SEMA3F: variants seen among roughly 807,000 people sequenced by gnomAD.
SEMA3F encodes semaphorin-3F.
Under a neutral mutation model 98.5 loss-of-function variants are expected in SEMA3F, and 30 were observed. The observed-to-expected ratio is 0.30, with a 90% CI of 0.23 to 0.41. SEMA3F has a LOEUF of 0.41. Among genes scored for constraint, SEMA3F ranks in the 10% least tolerant of loss-of-function variants. The pLI, the probability that SEMA3F is intolerant of heterozygous loss-of-function variation, is 1.00. For missense variants in SEMA3F, 866 were observed against 1,119.3 expected, an observed-to-expected ratio of 0.77 and a Z score of 3.23; for synonymous variants, 380 against 444.8, an observed-to-expected ratio of 0.85 and a Z score of 1.83.
chr3:50,188,006 GGCGCCATGTGCCCC>G lies in SEMA3F; in HGVS notation c.2250_2263del (p.Trp750CysfsTer14). 6.2e-7 allele frequency: 1 copy of G among 1,603,402 alleles called. No individual in the cohort carries two copies. The highest frequency in any genetic ancestry group is 8.5e-7 in the Non-Finnish European group (1 of 1,176,010). On this transcript the variant is annotated frameshift_variant, in exon 19 of 19. Coordinates refer to ENST00000002829, the MANE Select transcript of SEMA3F (RefSeq NM_004186.5). LOFTEE classifies it high-confidence loss of function. The surrounding 1 kb of genome is among the most constrained non-coding windows in gnomAD (Gnocchi z 4.5). ...ATCCACCAGTACTGCCAGGGTTACT[GGCGCCATGTGCCCC>G]CCAGCCCCAGGGAGGCTCCAGGGGC... is the stretch of plus-strand genomic sequence containing the variant.
chr3:50,167,464 G>C lies in SEMA3F; in HGVS notation c.113-6329G>C, dbSNP rs1398401575. Among the ~76,000 whole-genome samples, 3 of 152,218 alleles carry C rather than the reference G, an allele frequency of 2.0e-5. No individual in the cohort carries two copies. In the East Asian group the frequency reaches 5.8e-4, roughly 29 times the overall value. On this transcript the variant is annotated intron_variant, in intron 2 of 18. Coordinates refer to ENST00000002829, the MANE Select transcript of SEMA3F (RefSeq NM_004186.5). ...TTTTCCTGGTTTGAGGCTGAGCTGTGCCCTCAGCCTATCCTGTCCTGGGCG... is the reference window on the plus strand; with the variant it reads ...TTTTCCTGGTTTGAGGCTGAGCTGTCCCCTCAGCCTATCCTGTCCTGGGCG...
At chr3:50,165,408 G>A (rs1158056517) in intron 2 of SEMA3F, among the ~76,000 whole-genome samples, 1 of 152,212 alleles carries the variant, frequency 6.6e-6, no homozygotes, top group Non-Finnish European at 1.5e-5. Context: ...CGGGAGTGAT[G>A]CCTTGGAAGT....
Position 50,185,869 on chromosome 3 carries a change from G to A in SEMA3F, c.1588-20G>A, listed in dbSNP as rs370853090. On this transcript the variant is annotated intron_variant, in intron 15 of 18. Coordinates refer to ENST00000002829, the MANE Select transcript of SEMA3F (RefSeq NM_004186.5). ...CTGGCTATGGGACAGGAACTGACAA[G>A]GCCCTACCCTTTGCCCCAGCAACAA... 666 of 1,608,098 alleles carry A rather than the reference G, an allele frequency of 4.1e-4. No individual in the cohort carries two copies. Among genetic ancestry groups the A allele is most frequent in the Non-Finnish European group, 4.7e-4 (551 of 1,175,572 alleles).
At position 50,174,225 on chromosome 3, in the gene SEMA3F, C is replaced by A. The variant is rs1698719300; in HGVS notation, c.337-6C>A. On this transcript the variant is annotated splice_region_variant and splice_polypyrimidine_tract_variant and intron_variant, in intron 4 of 18. Coordinates refer to ENST00000002829, the MANE Select transcript of SEMA3F (RefSeq NM_004186.5). Reference sequence around the variant, plus strand: ...GGCACCTATGCAGCCTTCCCTGTGGCCCCAGGGCGAGTGTGGGAACTTCGT... The same window carrying A: ...GGCACCTATGCAGCCTTCCCTGTGGACCCAGGGCGAGTGTGGGAACTTCGT... 2 of 1,613,692 alleles carry A rather than the reference C, an allele frequency of 1.2e-6. No homozygotes were observed. Among genetic ancestry groups the A allele is most frequent in the Non-Finnish European group, 1.7e-6 (2 of 1,179,892 alleles).
rs60253796 is a variant in SEMA3F at position 50,165,788 on chromosome 3, C to T, written c.112+6054C>T. Among the ~76,000 whole-genome samples the T allele has an allele frequency of 3.3e-3, 509 of 152,352 alleles. 1 individual carries two copies. Among genetic ancestry groups the T allele is most frequent in the African/African-American group, 0.012 (486 of 41,578 alleles). Reference sequence around the variant, plus strand: ...GCTTGGCAGGCCTACAGCCCCCCACCCAGCCTGCTGGGCAGCCCCAGGGAG... The same window carrying T: ...GCTTGGCAGGCCTACAGCCCCCCACTCAGCCTGCTGGGCAGCCCCAGGGAG... On this transcript the variant is annotated intron_variant, in intron 2 of 18. Transcript: ENST00000002829.
At position 50,174,310 on chromosome 3, in the gene SEMA3F, A is replaced by T. The variant is rs1698722691; in HGVS notation, c.416A>T (p.Asn139Ile). The T allele has an allele frequency of 6.2e-7, 1 of 1,612,958 alleles. No individual in the cohort carries two copies. The highest frequency in any genetic ancestry group is 1.3e-5 in the African/African-American group (1 of 74,884). Residue 139 changes from asparagine (N) to isoleucine (I), a missense_variant, in exon 5 of 19, where the codon AAC becomes ATC. Transcript: ENST00000002829. ...TATGTGTGCGGGACAGGTGCCTACA[A>T]CCCCATGTGCACCTATGTGAACCGC... ...HLYVCGTGAY[N>I]PMCTYVNRGR...
chr3:50,175,064 C>T, intron 5 of SEMA3F, 32 bp from the exon 6 acceptor site: 2 of 1,502,432 alleles, frequency 1.3e-6, no homozygotes, highest in South Asian at 2.3e-5. Flanking sequence ...CCTGCCACCC[C>T]CAGCTCTAAC....
At chr3:50,160,786 C>T (rs1316230514) in intron 2 of SEMA3F, among the ~76,000 whole-genome samples, 2 of 152,190 alleles carry the variant, frequency 1.3e-5, no homozygotes, top group East Asian at 3.9e-4. Context: ...CTCACCATGT[C>T]CCCCAGCAGG....
chr3:50,174,490 T>C (rs1698733265), intron 5 of SEMA3F, 140 bp downstream of exon 5: 2 of 1,029,876 alleles, frequency 1.9e-6, no homozygotes, highest in African/African-American at 1.6e-5. Context: ...TTCACCTCGC[T>C]GAGCCTCAGT....
At chr3:50,155,145 TG>T, upstream of SEMA3F, 3 of 377,936 alleles carry the variant, frequency 7.9e-6, no homozygotes, top group South Asian at 5.1e-5. This position sits in a 1 kb window ranked among gnomAD's most constrained non-coding sequence, Gnocchi z 4.9. Flanking sequence ...GCGCAGGACC[TG>T]GGTACGCCGC....
chr3:50,184,570 G>A, intron 12 of SEMA3F, 22 bp from the exon 13 acceptor site: 1 of 1,599,402 alleles, frequency 6.3e-7, no homozygotes, highest in Non-Finnish European at 8.5e-7. Context: ...GCCTGGGACT[G>A]ACACTCGCCA....
Position 50,173,846 on chromosome 3 carries a change from G to C in SEMA3F, c.166G>C (p.Asp56His), listed in dbSNP as rs770253654. 6.2e-7 allele frequency: 1 copy of C among 1,614,060 alleles called. No individual in the cohort carries two copies. The highest frequency in any genetic ancestry group is 8.5e-7 in the Non-Finnish European group (1 of 1,180,006). Residue 56 changes from aspartate to histidine, a missense_variant, in exon 3 of 19, where the codon GAC becomes CAC. Physicochemically the swap from Asp to His is moderately conservative, Grantham distance 81. This residue lies in a region of SEMA3F where 247 missense variants were observed against 276.0 expected (regional missense o/e 0.89). Transcript: ENST00000002829. Reference protein sequence around the residue: ...HFFNFLLNTTDYRILLKDEDH... With the variant: ...HFFNFLLNTTHYRILLKDEDH... ...CTTCAACTTCCTGCTCAACACAACC[G>C]ACTACCGAATCTTGCTCAAGGACGA...
Position 50,155,530 on chromosome 3 carries a change from C to T in SEMA3F, c.-83C>T, listed in dbSNP as rs542309586. The T allele has an allele frequency of 4.1e-3, 1,304 of 318,380 alleles. 5 individuals are homozygous for T. Among genetic ancestry groups the T allele is most frequent in the Non-Finnish European group, 5.7e-3 (991 of 174,590 alleles). 19.7% of individuals were successfully genotyped at this position (318,380 alleles called of 1,614,324 possible). A position where few individuals can be genotyped will look rare whatever the true frequency, so the allele number is the denominator to read the frequency against. On this transcript the variant is annotated 5_prime_UTR_variant, in exon 1 of 19. Coordinates refer to ENST00000002829, the MANE Select transcript of SEMA3F (RefSeq NM_004186.5). This position sits in a 1 kb window ranked among gnomAD's most constrained non-coding sequence, Gnocchi z 4.9. The stretch of plus-strand genomic sequence containing the variant: ...GGGAGCCGCTCCGTGCCGCCGCCGC[C>T]GCCCGGGCGCCCAGGCCCCGCCGCT...
At position 50,182,824 on chromosome 3, in the gene SEMA3F, T is replaced by C; in HGVS notation, c.903+41T>C. ...GCCACCAGGCTGCCCCTTCCACCAGTTCTGGCTTCATCAGCCCTGCTCCAG... is the reference window on the plus strand; with the variant it reads ...GCCACCAGGCTGCCCCTTCCACCAGCTCTGGCTTCATCAGCCCTGCTCCAG... On this transcript the variant is annotated intron_variant, in intron 9 of 18. Transcript: ENST00000002829. This position sits in a 1 kb window ranked among gnomAD's most constrained non-coding sequence, Gnocchi z 4.5. 2 of 1,611,402 alleles carry C rather than the reference T, an allele frequency of 1.2e-6. No individual in the cohort carries two copies. The highest frequency in any genetic ancestry group is 1.7e-6 in the Non-Finnish European group (2 of 1,178,752).
chr3:50,186,868 A>C, intron 18 of SEMA3F, 122 bp downstream of exon 18: 1 of 1,049,534 alleles, frequency 9.5e-7, no homozygotes, highest in Non-Finnish European at 1.3e-6. Flanking sequence ...TCCCTTCCCT[A>C]CATGCAAATC....
intron 2 of SEMA3F, among the ~76,000 whole-genome samples, chr3:50,171,309 A>G (rs1698591788): frequency 6.6e-6 from 1 of 151,912 alleles, no homozygotes; most frequent in South Asian, 2.1e-4. Flanking sequence ...GCTTTGCAAG[A>G]GGGTAGGGGA....
chr3:50,173,527 A>G, intron 2 of SEMA3F: 1 of 455,786 alleles, frequency 2.2e-6, no homozygotes. Context: ...CTGTAATCCC[A>G]GCTAGTCAGG....
At chr3:50,186,893 A>G in intron 18 of SEMA3F, 147 bp downstream of exon 18, 2 of 890,418 alleles carry the variant, frequency 2.2e-6, no homozygotes, top group Non-Finnish European at 3.2e-6. Context: ...GAGTGAAAAC[A>G]GTTACATGGA....
At chr3:50,185,355 T>C in intron 13 of SEMA3F, 88 bp from the exon 14 acceptor site, 1 of 1,256,574 alleles carries the variant, frequency 8.0e-7, no homozygotes, top group East Asian at 2.5e-5. Context: ...CCTAGGGGGG[T>C]TTGGGCCCTG....
Sources: gnomAD v4.1 joint callset for allele counts (sites outside exome capture counted in the v4.1 genomes callset) on GRCh38, gnomAD v4.1.1 for gene constraint, gnomAD v4.1.1 regional missense constraint, Gnocchi (gnomAD v3.1) non-coding constraint, MANE v1.5 for transcripts, NCBI Gene and HGNC (gene_info 2026-07-23, HGNC 2026-07-21) for gene names.